DLGAP2: variants seen among roughly 807,000 people sequenced by gnomAD.
DLGAP2 encodes the protein DLG associated protein 2, also known as disks large-associated protein 2.
Under a neutral mutation model 100.3 loss-of-function variants are expected in DLGAP2, and 26 were observed. The ratio of observed to expected loss-of-function variants is 0.26; its 90% confidence interval spans 0.19 to 0.36. DLGAP2 has a LOEUF of 0.36. DLGAP2 is among the 10% of genes least tolerant of loss of function. The pLI is 1.00. For missense variants in DLGAP2, 1,858 were observed against 1,453.2 expected (o/e 1.28, Z -4.53); for synonymous variants, 886 against 630.1 (o/e 1.41, Z -6.08).
intron 1 of DLGAP2, among the ~76,000 whole-genome samples, chr8:744,581 G>A (rs979849265): frequency 4.0e-5 from 6 of 149,570 alleles, no homozygotes; most frequent in African/African-American, 1.2e-4. Flanking sequence ...GGTGCTGGCC[G>A]TCTGCTCCCC....
In DLGAP2 at chr8:832,510, C is replaced by A. The variant is rs372442813; in HGVS notation, c.19-75402C>A. Among the ~76,000 whole-genome samples, 56 of 152,314 alleles carry A rather than the reference C, an allele frequency of 3.7e-4. 1 individual carries two copies. The East Asian group carries it at 7.5e-3, about 20-fold the overall frequency. Reference sequence around the variant, plus strand: ...ATCTGTAAGTCAAGGCTCTGCTTGTCTCTGCGTCTGATTGGTGAATCCACT... The same window carrying A: ...ATCTGTAAGTCAAGGCTCTGCTTGTATCTGCGTCTGATTGGTGAATCCACT... On this transcript the variant is annotated intron_variant, in intron 1 of 14. Transcript: ENST00000637795.
At chr8:765,534 C>A (rs1473482327) in intron 1 of DLGAP2, among the ~76,000 whole-genome samples, 1 of 152,144 alleles carries the variant, frequency 6.6e-6, no homozygotes, top group African/African-American at 2.4e-5. Flanking sequence ...CATTGGAATA[C>A]AGCAGCCCTT....
At chr8:1,271,690 T>C (rs1169225456) in intron 3 of DLGAP2, among the ~76,000 whole-genome samples, 2 of 152,326 alleles carry the variant, frequency 1.3e-5, no homozygotes, top group East Asian at 1.9e-4. Context: ...GGTAGAGTGG[T>C]GTCTGCCAGG....
At chr8:1,452,542 G>A (rs920623372) in intron 3 of DLGAP2, among the ~76,000 whole-genome samples, 1 of 152,236 alleles carries the variant, frequency 6.6e-6, no homozygotes, top group African/African-American at 2.4e-5. Flanking sequence ...GCTCCGGGGA[G>A]AGCTGGAGGC....
Position 1,274,695 on chromosome 8 carries a change from C to G in DLGAP2, c.106+15812C>G, listed in dbSNP as rs1171593570. ...TTCTGAGATAGTTGTTTTCATTTAT[C>G]TTTTTTTTTTTTTTTTTTTTTTTTT... is the stretch of plus-strand genomic sequence containing the variant. On this transcript the variant is annotated intron_variant, in intron 3 of 14. Coordinates refer to ENST00000637795, the MANE Select transcript of DLGAP2 (RefSeq NM_001346810.2). Among the ~76,000 whole-genome samples the G allele has an allele frequency of 9.0e-5, 2 of 22,210 alleles. 1 individual carries two copies. Among genetic ancestry groups the G allele is most frequent in the South Asian group, 3.1e-3 (2 of 638 alleles). 14.6% of individuals were successfully genotyped at this position (22,210 alleles called of 152,430 possible).
intron 2 of DLGAP2, among the ~76,000 whole-genome samples, chr8:1,187,656 G>T (rs867764792): frequency 8.6e-5 from 8 of 92,618 alleles, no homozygotes; most frequent in African/African-American, 3.1e-4. Context: ...GGAATCTCAC[G>T]TGCCCGGGAC....
chr8:1,608,645 A>G (rs900372543), intron 6 of DLGAP2, among the ~76,000 whole-genome samples: 1 of 133,350 alleles, frequency 7.5e-6, no homozygotes, highest in Non-Finnish European at 1.6e-5. Flanking sequence ...ACTTTGAAAA[A>G]AATTTAGAAG....
At chr8:1,364,509 G>C (rs539548203) in intron 3 of DLGAP2, among the ~76,000 whole-genome samples, 5 of 148,574 alleles carry the variant, frequency 3.4e-5, no homozygotes, top group South Asian at 2.1e-4. Context: ...GGGCGGGGGG[G>C]GTGCAGCGAA....
intron 2 of DLGAP2, among the ~76,000 whole-genome samples, chr8:1,184,083 G>A (rs980664179): frequency 1.3e-5 from 2 of 152,304 alleles, no homozygotes; most frequent in South Asian, 2.1e-4. Flanking sequence ...GTGTGTTTGC[G>A]TTGTGTTTGG....
rs199625316 is a variant in DLGAP2 at position 1,668,559 on chromosome 8, G to A, written c.2041G>A (p.Ala681Thr). 2.2e-3 allele frequency: 3,498 copies of A among 1,589,412 alleles called. 8 individuals are homozygous for A. Among genetic ancestry groups the A allele is most frequent in the Non-Finnish European group, 2.7e-3 (3,136 of 1,169,458 alleles). Residue 681 changes from alanine (A) to threonine (T), a missense_variant, in exon 9 of 15, where the codon GCT becomes ACT. Physicochemically the swap from Ala to Thr is moderately conservative, Grantham distance 58 (BLOSUM62 0). Coordinates refer to ENST00000637795, the MANE Select transcript of DLGAP2 (RefSeq NM_001346810.2). ...CATGAACCTCGCGCTGGAAACGGCC[G>A]CTGCCCAGCGCCACCTGCCAGAGAG... ...KAMNLALETA[A>T]AQRHLPESQS...
intron 6 of DLGAP2, among the ~76,000 whole-genome samples, chr8:1,600,867 T>C (rs778190814): frequency 1.3e-5 from 2 of 152,168 alleles, no homozygotes; most frequent in Non-Finnish European, 2.9e-5. Context: ...TGAAACCTAC[T>C]TCTATAATTT....
intron 2 of DLGAP2, among the ~76,000 whole-genome samples, chr8:1,163,005 C>G (rs546278882): frequency 2.0e-5 from 3 of 152,324 alleles, no homozygotes; most frequent in Non-Finnish European, 2.9e-5. Context: ...TCCCATCCAC[C>G]TGGGAGCTTT....
At chr8:1,347,796 G>C (rs1389421665) in intron 3 of DLGAP2, among the ~76,000 whole-genome samples, 2 of 151,768 alleles carry the variant, frequency 1.3e-5, no homozygotes, top group Non-Finnish European at 2.9e-5. Context: ...TGGAGGTTGA[G>C]TTCCTATACA....
intron 1 of DLGAP2, among the ~76,000 whole-genome samples, chr8:846,719 C>A (rs1027740799): frequency 1.3e-5 from 2 of 152,110 alleles, no homozygotes; most frequent in Non-Finnish European, 2.9e-5. Context: ...ATACTGTTTT[C>A]CATTCCCACC....
chr8:1,348,636 C>A (rs1371117313), intron 3 of DLGAP2, among the ~76,000 whole-genome samples: 27 of 152,094 alleles, frequency 1.8e-4, no homozygotes, highest in Non-Finnish European at 3.4e-4. Context: ...TGAGTTCCCA[C>A]ACAGAGCTGC....
intron 4 of DLGAP2, among the ~76,000 whole-genome samples, chr8:1,504,234 C>G (rs1316160010): frequency 1.3e-5 from 2 of 151,872 alleles, no homozygotes; most frequent in African/African-American, 2.4e-5. Flanking sequence ...AGAAACGCTT[C>G]TTGTTTTACT....
chr8:1,467,256 C>T (rs1216763663), intron 3 of DLGAP2, among the ~76,000 whole-genome samples: 1 of 151,568 alleles, frequency 6.6e-6, no homozygotes, highest in Admixed American at 6.6e-5. Flanking sequence ...CACGGTCCCT[C>T]CCCCCAGCCC....
At chr8:1,078,712 C>G (rs904441557) in intron 2 of DLGAP2, among the ~76,000 whole-genome samples, 4 of 152,114 alleles carry the variant, frequency 2.6e-5, no homozygotes, top group South Asian at 2.1e-4. Context: ...ATTTAATTTT[C>G]TTCCTTGTCT....
intron 1 of DLGAP2, among the ~76,000 whole-genome samples, chr8:814,332 A>T (rs1796424491): frequency 6.6e-6 from 1 of 152,196 alleles, no homozygotes; most frequent in Non-Finnish European, 1.5e-5. Flanking sequence ...AGCTCTTAGA[A>T]CATTTCTATT....
Sources: allele counts gnomAD v4.1 joint callset (sites outside exome capture counted in the v4.1 genomes callset), GRCh38; gene constraint gnomAD v4.1.1; transcripts MANE v1.5; gene names NCBI Gene and HGNC (gene_info 2026-07-23, HGNC 2026-07-21).